Variants in EYS observed in about 807,000 individuals in gnomAD.
EYS encodes protein eyes shut homolog.
Under a neutral mutation model 282.1 loss-of-function variants are expected in EYS, and 250 were observed. The observed-to-expected ratio is 0.89, with a 90% CI of 0.80 to 0.98. EYS has a LOEUF of 0.98. Ranked by LOEUF, EYS falls within the 50% of genes least tolerant of loss-of-function variation. The probability of loss-of-function intolerance (pLI) is 0.00; values close to 1 mark genes in which losing one functional copy is unlikely to be tolerated. For missense variants in EYS, 4,016 were observed against 3,709.0 expected, an observed-to-expected ratio of 1.08 and a Z score of -2.15; for synonymous variants, 1,355 against 1,282.9, an observed-to-expected ratio of 1.06 and a Z score of -1.20.
intron 1 of EYS, among the ~76,000 whole-genome samples, chr6:65,671,027 A>G (rs1370463704): frequency 6.6e-6 from 1 of 152,070 alleles, no homozygotes; most frequent in Non-Finnish European, 1.5e-5. Flanking sequence ...TCTGATTATT[A>G]TAACTTGAGA....
intron 2 of EYS, among the ~76,000 whole-genome samples, chr6:65,514,469 C>T (rs1459625170): frequency 6.6e-6 from 1 of 152,166 alleles, no homozygotes; most frequent in Non-Finnish European, 1.5e-5. Context: ...CAAAAAAGAG[C>T]TTGCATTGCC....
intron 15 of EYS, among the ~76,000 whole-genome samples, chr6:64,937,012 C>T (rs182636964): frequency 6.6e-6 from 1 of 151,468 alleles, no homozygotes; most frequent in Non-Finnish European, 1.5e-5. Flanking sequence ...TTGTCTAATT[C>T]ATGTTAAAGT....
chr6:63,803,543 G>A (rs1280368976), intron 37 of EYS, among the ~76,000 whole-genome samples: 1 of 152,146 alleles, frequency 6.6e-6, no homozygotes, highest in East Asian at 1.9e-4. Context: ...AAGGGGAATT[G>A]ATGGAAGAGT....
intron 12 of EYS, among the ~76,000 whole-genome samples, chr6:65,290,844 G>T (rs1768505217): frequency 6.6e-6 from 1 of 151,178 alleles, no homozygotes; most frequent in Non-Finnish European, 1.5e-5. Flanking sequence ...GTTTTAATTA[G>T]AAATGATATC....
chr6:65,159,257 A>G (rs569628544), intron 12 of EYS, among the ~76,000 whole-genome samples: 1 of 150,840 alleles, frequency 6.6e-6, no homozygotes, highest in Non-Finnish European at 1.5e-5. Flanking sequence ...TTCTTATTAC[A>G]TGTGAACTTC....
chr6:65,024,198 C>T (rs1772330241), intron 13 of EYS, among the ~76,000 whole-genome samples: 1 of 152,088 alleles, frequency 6.6e-6, no homozygotes, highest in Non-Finnish European at 1.5e-5. Context: ...AGCTGGTGCT[C>T]ATATGTCTAG....
intron 12 of EYS, among the ~76,000 whole-genome samples, chr6:65,218,582 G>A (rs941577541): frequency 6.6e-6 from 1 of 152,054 alleles, no homozygotes; most frequent in East Asian, 1.9e-4. Flanking sequence ...GTCATGAGAA[G>A]AGCATACTCT....
chr6:63,932,048 A>G (rs941684507), intron 35 of EYS, among the ~76,000 whole-genome samples: 2 of 152,106 alleles, frequency 1.3e-5, no homozygotes, highest in Non-Finnish European at 2.9e-5. Context: ...GTTTCCACAT[A>G]TGAATGTGAA....
intron 5 of EYS, among the ~76,000 whole-genome samples, chr6:65,417,691 C>T (rs1434704385): frequency 6.6e-6 from 1 of 151,974 alleles, no homozygotes; most frequent in African/African-American, 2.4e-5. Flanking sequence ...TAATAAACCA[C>T]ACAGTGCTTT....
At chr6:64,074,415 G>A (rs996592316) in intron 32 of EYS, among the ~76,000 whole-genome samples, 1 of 151,222 alleles carries the variant, frequency 6.6e-6, no homozygotes. Context: ...TACAATTTTA[G>A]TTTGCTTAGA....
At chr6:65,619,967 T>G (rs1354594824) in intron 2 of EYS, among the ~76,000 whole-genome samples, 1 of 151,968 alleles carries the variant, frequency 6.6e-6, no homozygotes, top group Admixed American at 6.6e-5. Flanking sequence ...AGTATTTTAT[T>G]GAGGATTTTT....
intron 12 of EYS, among the ~76,000 whole-genome samples, chr6:65,258,124 C>T (rs976723705): frequency 1.3e-5 from 2 of 151,770 alleles, no homozygotes; most frequent in East Asian, 1.9e-4. Flanking sequence ...ATATATACAT[C>T]TAATATATAC....
intron 35 of EYS, among the ~76,000 whole-genome samples, chr6:63,923,735 C>A (rs1002220327): frequency 1.3e-5 from 2 of 152,134 alleles, no homozygotes; most frequent in African/African-American, 2.4e-5. Flanking sequence ...CTCCTTCTCT[C>A]CCCCGTCTAT....
At position 63,728,506 on chromosome 6, in the gene EYS, C is replaced by T. The variant is rs144848989; in HGVS notation, c.8072-1826G>A. On this transcript the variant is annotated intron_variant, in intron 41 of 42. Transcript: ENST00000503581. ...CATATACCCCTTGTCTCAACACATG[C>T]GCAGCCTTCTCCACTGTCAGTATTG... Among the ~76,000 whole-genome samples the T allele has an allele frequency of 1.2e-3, 183 of 152,258 alleles. 3 individuals carry two copies. Among genetic ancestry groups the T allele is most frequent in the African/African-American group, 3.9e-3 (160 of 41,540 alleles).
At chr6:65,297,744 C>A (rs2055502) in intron 11 of EYS, among the ~76,000 whole-genome samples, 6,311 of 151,978 alleles carry the variant, frequency 0.042, 213 homozygotes, top group African/African-American at 0.092. Context: ...GAAATAAAAT[C>A]ATAGAATACA....
intron 28 of EYS, among the ~76,000 whole-genome samples, chr6:64,411,344 T>G (rs1179731157): frequency 6.6e-6 from 1 of 151,932 alleles, no homozygotes; most frequent in Non-Finnish European, 1.5e-5. Context: ...ATTATTGAAA[T>G]TAGGTTAAAG....
chr6:65,330,365 C>T (rs1769750600), intron 11 of EYS: 3 of 984,406 alleles, frequency 3.0e-6, no homozygotes, highest in Non-Finnish European at 3.6e-6. Context: ...GCTTCAAAAA[C>T]AGGTGGGAGT....
chr6:64,937,178 G>A (rs1028128831), intron 15 of EYS, among the ~76,000 whole-genome samples: 1 of 151,234 alleles, frequency 6.6e-6, no homozygotes, highest in African/African-American at 2.4e-5. Flanking sequence ...CAATATAAGA[G>A]CTAAAAATAT....
At chr6:65,183,888 C>T (rs1372130515) in intron 12 of EYS, among the ~76,000 whole-genome samples, 1 of 151,798 alleles carries the variant, frequency 6.6e-6, no homozygotes. Context: ...GTTACCTCAT[C>T]CTCCTCCCCA....
Sources: gnomAD v4.1 joint callset for allele counts (sites outside exome capture counted in the v4.1 genomes callset) on GRCh38, gnomAD v4.1.1 for gene constraint, MANE v1.5 for transcripts, NCBI Gene and HGNC (gene_info 2026-07-23, HGNC 2026-07-21) for gene names.